MYO1C: variants seen among roughly 807,000 people sequenced by gnomAD.
The protein encoded by MYO1C is unconventional myosin-Ic.
A neutral mutation model predicts 150.8 loss-of-function variants in MYO1C; 104 were observed. That is an observed-to-expected ratio of 0.69 (90% CI 0.59 to 0.81). MYO1C has a LOEUF of 0.81. MYO1C is among the 30% of genes least tolerant of loss of function. MYO1C has a pLI of 0.00. For missense variants in MYO1C, 1,504 were observed against 1,435.0 expected (o/e 1.05, Z -0.78); for synonymous variants, 663 against 579.9 (o/e 1.14, Z -2.06).
At position 1,474,659 on chromosome 17, in the gene MYO1C, C is replaced by G. The variant is rs2074366955; in HGVS notation, c.1748G>C (p.Ser583Thr). ...TMCSSKNPIM[S>T]QCFDRSELSD... ...GAGCTCGCTCCGGTCAAAGCACTGG[C>G]TCATAATGGGATTCTTTGAGCTACA... Residue 583 changes from serine (S) to threonine (T), a missense_variant, in exon 17 of 32, where the codon AGC becomes ACC. Ser to Thr is a moderately conservative substitution (Grantham distance 58). Coordinates refer to ENST00000648651, the MANE Select transcript of MYO1C (RefSeq NM_001080779.2). The G allele has an allele frequency of 6.2e-7, 1 of 1,614,032 alleles. No individual in the cohort carries two copies. Among genetic ancestry groups the G allele is most frequent in the Non-Finnish European group, 8.5e-7 (1 of 1,179,964 alleles).
Position 1,464,310 on chromosome 17 carries a change from G to C in MYO1C, c.*1416C>G, listed in dbSNP as rs1317844310. On this transcript the variant is annotated 3_prime_UTR_variant, in exon 32 of 32. Coordinates refer to ENST00000648651, the MANE Select transcript of MYO1C (RefSeq NM_001080779.2). ...CCCCAGGCCCTTGAGGGTAGGAGCA[G>C]GGAGAAGCAGCAGAAGGAGGTGATG... The C allele has an allele frequency of 6.6e-6, 1 of 152,654 alleles. No individual in the cohort carries two copies. The highest frequency in any genetic ancestry group is 1.9e-4 in the East Asian group (1 of 5,196). 9.5% of individuals were successfully genotyped at this position (152,654 alleles called of 1,614,324 possible). A position where few individuals can be genotyped will look rare whatever the true frequency, so the allele number is the denominator to read the frequency against.
At chr17:1,476,844 GTT>G (rs1009743096) in intron 14 of MYO1C, among the ~76,000 whole-genome samples, 1 of 145,206 alleles carries the variant, frequency 6.9e-6, no homozygotes, top group East Asian at 2.0e-4. Flanking sequence ...CTTGTTTTTT[GTT>G]TTTTTTTTTG....
chr17:1,475,334 G>A (rs542697508), intron 14 of MYO1C, among the ~76,000 whole-genome samples: 26 of 152,216 alleles, frequency 1.7e-4, no homozygotes, highest in African/African-American at 4.8e-4. Flanking sequence ...AAGGAGAATC[G>A]CTTGAACCTG....
At position 1,470,681 on chromosome 17, in the gene MYO1C, T is replaced by C. The variant is rs2074283519; in HGVS notation, c.2221A>G (p.Ile741Val). Reference protein sequence around the residue: ...EVRRQSLATKIQAAWRGFHWR... With the variant: ...EVRRQSLATKVQAAWRGFHWR... ...TGAAAGCCCCTCCAGGCAGCTTGGA[T>C]CTTTGTGGCTGCGGTTGGGAAAGAA... Residue 741 changes from isoleucine (I) to valine (V), a missense_variant, in exon 22 of 32, where the codon ATC becomes GTC. Physicochemically the swap from Ile to Val is conservative, Grantham distance 29 (BLOSUM62 3). Coordinates refer to ENST00000648651, the MANE Select transcript of MYO1C (RefSeq NM_001080779.2). The C allele has an allele frequency of 6.2e-7, 1 of 1,605,284 alleles. No homozygotes were observed. The highest frequency in any genetic ancestry group is 1.7e-5 in the Admixed American group (1 of 59,880).
chr17:1,484,356 G>T (rs913491844), intron 1 of MYO1C, 53 bp from the exon 2 acceptor site: 9 of 1,595,712 alleles, frequency 5.6e-6, no homozygotes, highest in South Asian at 5.5e-5. Context: ...GCGGGGCAAG[G>T]CCACTTCCCT....
In MYO1C at chr17:1,479,564, C is replaced by G; in HGVS notation, c.1020+28G>C. 3.5e-6 allele frequency: 5 copies of G among 1,444,580 alleles called. No homozygotes were observed. Among genetic ancestry groups the G allele is most frequent in the Non-Finnish European group, 4.8e-6 (5 of 1,035,832 alleles). 89.5% of individuals were successfully genotyped at this position (1,444,580 alleles called of 1,614,324 possible). ...CCCCAGCCCCCGCCCCCGCCGTCCT[C>G]CCGTCGCCCTCTGCCCGCCCCACTC... On this transcript the variant is annotated intron_variant, in intron 8 of 31. Transcript: ENST00000648651. This position sits in a 1 kb window ranked among gnomAD's most constrained non-coding sequence, Gnocchi z 4.2.
chr17:1,467,022 TGCTGGGA>T (rs2074186738), intron 31 of MYO1C, among the ~76,000 whole-genome samples: 4 of 152,158 alleles, frequency 2.6e-5, no homozygotes, highest in African/African-American at 4.8e-5. Flanking sequence ...CCTCCCAAAG[TGCTGGGA>T]TTATAGGCAT....
At position 1,482,468 on chromosome 17, in the gene MYO1C, T is replaced by TC; in HGVS notation, c.627+9dup. On this transcript the variant is annotated intron_variant, in intron 5 of 31. Coordinates refer to ENST00000648651, the MANE Select transcript of MYO1C (RefSeq NM_001080779.2). ...AATGGGAATCCTCACGACACACACA[T>TC]CCATGGTACCTTGAAGTCAAACTGC... The TC allele has an allele frequency of 6.2e-7, 1 of 1,612,610 alleles. No homozygotes were observed. The highest frequency in any genetic ancestry group is 8.5e-7 in the Non-Finnish European group (1 of 1,178,662).
chr17:1,468,865 C>A (rs2074236973), intron 25 of MYO1C: 2 of 372,564 alleles, frequency 5.4e-6, no homozygotes, highest in Admixed American at 4.0e-5. Context: ...TCATCCAATA[C>A]TGAGTTGGCA....
chr17:1,485,195 C>CA (rs1218004222), intron 1 of MYO1C: 28 of 1,185,462 alleles, frequency 2.4e-5, no homozygotes, highest in Non-Finnish European at 2.8e-5. Flanking sequence ...ACCCTCGCCC[C>CA]ACAACCAGGG....
chr17:1,467,500 G>A lies in MYO1C; in HGVS notation c.3045C>T (p.Ser1015=), dbSNP rs1213030815. ...CTCACCTGCCCTGGTTGATGTTGAT[G>A]CTGTTCACGCGGTTGGCACTGAGGG... is the stretch of plus-strand genomic sequence containing the variant. The part of the protein sequence containing the change: ...KTALSANRVN[S]ININQGSITF... The change falls in exon 30 of 32, where the codon AGC becomes AGT. Residue 1015 remains serine (S), a synonymous_variant. Transcript: ENST00000648651. The A allele has an allele frequency of 1.5e-5, 24 of 1,613,098 alleles. No individual in the cohort carries two copies. The highest frequency in any genetic ancestry group is 1.9e-5 in the Non-Finnish European group (23 of 1,179,900).
Position 1,492,551 on chromosome 17 carries a change from T to TG in MYO1C, c.-65dup. 1.3e-6 allele frequency: 2 copies of TG among 1,485,114 alleles called. No homozygotes were observed. Among genetic ancestry groups the TG allele is most frequent in the Non-Finnish European group, 1.8e-6 (2 of 1,086,976 alleles). 92.0% of individuals were successfully genotyped at this position (1,485,114 alleles called of 1,614,324 possible). A position where few individuals can be genotyped will look rare whatever the true frequency, so the allele number is the denominator to read the frequency against. On this transcript the variant is annotated 5_prime_UTR_variant, in exon 1 of 32. Coordinates refer to ENST00000648651, the MANE Select transcript of MYO1C (RefSeq NM_001080779.2). ...CTGTGAGCAAGAGCTGCCTGCCCAC[T>TG]GGCGGGCTCCGACCACTCCGGGACC...
rs1469187598 is a variant in MYO1C, at chr17:1,480,610, CT to C, written c.822del (p.Val275SerfsTer17). On this transcript the variant is annotated frameshift_variant, in exon 7 of 32. Transcript: ENST00000648651. LOFTEE classifies it high-confidence loss of function. ...YLYLVKGQCA[K>X]VSSINDKSDW... ...TCACTCTTGTCGTTGATGGAGGAGACTTTGGCACACTGGCCCTGGAGGAAGG... is the reference window on the plus strand; with the variant it reads ...TCACTCTTGTCGTTGATGGAGGAGACTTGGCACACTGGCCCTGGAGGAAGG... 6.2e-7 allele frequency: 1 copy of C among 1,614,144 alleles called. No individual in the cohort carries two copies. Among genetic ancestry groups the C allele is most frequent in the Non-Finnish European group, 8.5e-7 (1 of 1,180,038 alleles).
At position 1,465,453 on chromosome 17, in the gene MYO1C, TTC is replaced by T. The variant is rs1598315075; in HGVS notation, c.*271_*272del. On this transcript the variant is annotated 3_prime_UTR_variant, in exon 32 of 32. Transcript: ENST00000648651. Reference sequence around the variant, plus strand: ...AGAGAAAACCTCAGCAAAAGTTCCCTTCTCTCAAATATTTGGCATCGGCAGTA... The same window carrying T: ...AGAGAAAACCTCAGCAAAAGTTCCCTTCTCAAATATTTGGCATCGGCAGTA... The T allele has an allele frequency of 2.7e-6, 1 of 372,124 alleles. No homozygotes were observed. The highest frequency in any genetic ancestry group is 4.8e-6 in the Non-Finnish European group (1 of 209,082). The allele number at this position is 372,124 out of a possible 1,614,324, so 23.1% of individuals were successfully genotyped here.
Position 1,469,707 on chromosome 17 carries a change from A to G in MYO1C, c.2527-93T>C, listed in dbSNP as rs1053974176. 4.9e-6 allele frequency: 5 copies of G among 1,029,126 alleles called. No individual in the cohort carries two copies. In the African/African-American group the frequency reaches 7.9e-5, roughly 16 times the overall value. The allele number at this position is 1,029,126 out of a possible 1,614,324, so 63.7% of individuals were successfully genotyped here. A position where few individuals can be genotyped will look rare whatever the true frequency, so the allele number is the denominator to read the frequency against. ...ATGCTACTGCATCCTTTGGATAAGTAACACCCCCTCCATCTGGAGACGCTT... is the reference window on the plus strand; with the variant it reads ...ATGCTACTGCATCCTTTGGATAAGTGACACCCCCTCCATCTGGAGACGCTT... On this transcript the variant is annotated intron_variant, in intron 24 of 31. Transcript: ENST00000648651.
chr17:1,484,560 G>A (rs2074611845), intron 1 of MYO1C: 1 of 591,310 alleles, frequency 1.7e-6, no homozygotes, highest in Non-Finnish European at 3.0e-6. Context: ...GCACAGAACA[G>A]AGACAACATG....
At chr17:1,469,120 G>C (rs1457127363) in intron 25 of MYO1C, 3 of 329,764 alleles carry the variant, frequency 9.1e-6, no homozygotes, top group East Asian at 7.9e-5. Context: ...GGTAGACTAG[G>C]GTAAATAGAG....
chr17:1,478,060 G>A lies in MYO1C; in HGVS notation c.1401+27C>T, dbSNP rs538616680. ...GATACCCAGGCTCCCCGTGGCCCAC[G>A]GAGAGTGCCCCCAGGCTAGCACACA... On this transcript the variant is annotated intron_variant, in intron 12 of 31. Coordinates refer to ENST00000648651, the MANE Select transcript of MYO1C (RefSeq NM_001080779.2). The surrounding 1 kb of genome is among the most constrained non-coding windows in gnomAD (Gnocchi z 6.3). 40 of 1,613,402 alleles carry A rather than the reference G, an allele frequency of 2.5e-5. No homozygotes were observed. Among genetic ancestry groups the A allele is most frequent in the Middle Eastern group, 1.7e-4 (1 of 6,060 alleles).
intron 16 of MYO1C, 21 bp downstream of exon 16, chr17:1,474,791 G>GCCCCCCCCC: frequency 6.4e-7 from 1 of 1,551,838 alleles, no homozygotes; most frequent in Non-Finnish European, 8.9e-7. Flanking sequence ...CCCCACCCCG[G>GCCCCCCCCC]CCTCCCCACG....
Sources: gnomAD v4.1 joint callset for allele counts (sites outside exome capture counted in the v4.1 genomes callset) on GRCh38, gnomAD v4.1.1 for gene constraint, Gnocchi (gnomAD v3.1) non-coding constraint, MANE v1.5 for transcripts, NCBI Gene and HGNC (gene_info 2026-07-23, HGNC 2026-07-21) for gene names.